Variants in OSBPL3 observed in about 807,000 individuals in gnomAD.
OSBPL3 encodes the protein oxysterol binding protein like 3.
Under a neutral mutation model 120.1 loss-of-function variants are expected in OSBPL3, and 65 were observed. The observed-to-expected ratio is 0.54, with a 90% CI of 0.44 to 0.67. The LOEUF (loss-of-function observed/expected upper bound fraction) is 0.67. Among genes scored for constraint, OSBPL3 ranks in the 30% least tolerant of loss-of-function variants. OSBPL3 has a pLI of 0.00. For missense variants in OSBPL3, 1,004 were observed against 1,082.1 expected, an observed-to-expected ratio of 0.93 and a Z score of 1.01; for synonymous variants, 416 against 402.6, an observed-to-expected ratio of 1.03 and a Z score of -0.40.
chr7:24,839,440 C>T (rs950393064), intron 14 of OSBPL3, among the ~76,000 whole-genome samples: 1 of 152,278 alleles, frequency 6.6e-6, no homozygotes, highest in South Asian at 2.1e-4. Flanking sequence ...AATATCTTTC[C>T]TGCCCATCAT....
Position 24,955,448 on chromosome 7 carries a change from C to T in OSBPL3, c.-150+24438G>A, listed in dbSNP as rs1239273157. On this transcript the variant is annotated intron_variant, in intron 1 of 22. Coordinates refer to ENST00000313367, the MANE Select transcript of OSBPL3 (RefSeq NM_015550.4). The surrounding 1 kb of genome is among the most constrained non-coding windows in gnomAD (Gnocchi z 4.3). ...GTTGTTCCTGCTCTCACAGAGCTTC[C>T]ATTCTAGTGATTCTCCCTGGCTGTT... Among the ~76,000 whole-genome samples the T allele has an allele frequency of 1.3e-5, 2 of 152,192 alleles. No homozygotes were observed. The highest frequency in any genetic ancestry group is 2.9e-5 in the Non-Finnish European group (2 of 68,028).
chr7:24,884,494 A>G (rs1248340818), intron 2 of OSBPL3, among the ~76,000 whole-genome samples: 2 of 152,112 alleles, frequency 1.3e-5, no homozygotes, highest in Admixed American at 1.3e-4. Context: ...TCCCATGCTG[A>G]GTCTTCCTGA....
intron 1 of OSBPL3, among the ~76,000 whole-genome samples, chr7:24,948,895 A>G (rs966743822): frequency 3.3e-5 from 5 of 152,264 alleles, no homozygotes; most frequent in Admixed American, 1.3e-4. Context: ...CACTGCTCCT[A>G]GTCAACAGAA....
chr7:24,912,909 G>A lies in OSBPL3; in HGVS notation c.-149-20288C>T, dbSNP rs1365300060. On this transcript the variant is annotated intron_variant, in intron 1 of 22. Coordinates refer to ENST00000313367, the MANE Select transcript of OSBPL3 (RefSeq NM_015550.4). This position sits in a 1 kb window ranked among gnomAD's most constrained non-coding sequence, Gnocchi z 4.5. ...AGAAATGGCAATGTAACTTCCACTT[G>A]TCCTGTTGTCTCAGGGTGCTTGCCC... is the stretch of plus-strand genomic sequence containing the variant. Among the ~76,000 whole-genome samples the A allele has an allele frequency of 6.6e-6, 1 of 152,178 alleles. No individual in the cohort carries two copies. The highest frequency in any genetic ancestry group is 1.5e-5 in the Non-Finnish European group (1 of 68,036).
At chr7:24,812,842 CA>C (rs1794006851) in intron 19 of OSBPL3, among the ~76,000 whole-genome samples, 1 of 151,262 alleles carries the variant, frequency 6.6e-6, no homozygotes, top group Non-Finnish European at 1.5e-5. Context: ...GAAGGAAAAG[CA>C]AAAAGAAAAA....
In OSBPL3 at chr7:24,852,555, G is replaced by T. The variant is rs770453852; in HGVS notation, c.1107C>A (p.Ala369=). The change falls in exon 11 of 23, where the codon GCC becomes GCA. Residue 369 remains alanine (A), a synonymous_variant. Coordinates refer to ENST00000313367, the MANE Select transcript of OSBPL3 (RefSeq NM_015550.4). The surrounding 1 kb of genome is among the most constrained non-coding windows in gnomAD (Gnocchi z 4.1). The stretch of plus-strand genomic sequence containing the variant: ...TGACCTGAGCAGACGGGGAGGAGGA[G>T]GCATCCTGCTCCATCAGCTGCTTCA... ...EKLKQLMEQD[A]SSSPSAQVIG... The T allele has an allele frequency of 1.2e-6, 2 of 1,607,258 alleles. No homozygotes were observed. Among genetic ancestry groups the T allele is most frequent in the Admixed American group, 3.5e-5 (2 of 57,910 alleles).
chr7:24,842,281 C>T lies in OSBPL3; in HGVS notation c.1399G>A (p.Glu467Lys), dbSNP rs776534897. Residue 467 changes from glutamate (E) to lysine (K), a missense_variant and splice_region_variant, in exon 13 of 23, where the codon GAG becomes AAG. Glu to Lys is a moderately conservative substitution (Grantham distance 56). Coordinates refer to ENST00000313367, the MANE Select transcript of OSBPL3 (RefSeq NM_015550.4). Reference sequence around the variant, plus strand: ...CATACTGTAAACATTGCTCAAACCTCGTTTTCTGAAGAGCTTGGAGATAAC... The same window carrying T: ...CATACTGTAAACATTGCTCAAACCTTGTTTTCTGAAGAGCTTGGAGATAAC... ...VLLSPSSSEN[E>K]ISDDDSYVSD... The T allele has an allele frequency of 3.7e-6, 6 of 1,612,832 alleles. No individual in the cohort carries two copies. The highest frequency in any genetic ancestry group is 5.1e-6 in the Non-Finnish European group (6 of 1,179,814).
intron 1 of OSBPL3, among the ~76,000 whole-genome samples, chr7:24,928,497 T>C (rs964960714): frequency 6.6e-5 from 10 of 152,198 alleles, no homozygotes; most frequent in African/African-American, 2.4e-4. Context: ...GGCCACCTCT[T>C]GTCTTTATAA....
chr7:24,823,997 C>T (rs1197131942), intron 16 of OSBPL3, among the ~76,000 whole-genome samples: 1 of 152,162 alleles, frequency 6.6e-6, no homozygotes, highest in African/African-American at 2.4e-5. Flanking sequence ...ATGCATTTGT[C>T]TGAATTGACC....
Position 24,966,673 on chromosome 7 carries a change from G to C in OSBPL3, c.-150+13213C>G, listed in dbSNP as rs1816417657. Among the ~76,000 whole-genome samples, 1 of 152,120 alleles carries C rather than the reference G, an allele frequency of 6.6e-6. No homozygotes were observed. Among genetic ancestry groups the C allele is most frequent in the Non-Finnish European group, 1.5e-5 (1 of 68,038 alleles). On this transcript the variant is annotated intron_variant, in intron 1 of 22. Transcript: ENST00000313367. The surrounding 1 kb of genome is among the most constrained non-coding windows in gnomAD (Gnocchi z 4.8). ...ACACACACAAAACAAAATTAAAGAA[G>C]ACACTGGCCCAGAGAAAGACTGAGC...
In OSBPL3 at chr7:24,820,874, T is replaced by C. The variant is rs1270297866; in HGVS notation, c.1885-636A>G. ...GAAATGTTAGTCAACTGTTAAGAAA[T>C]TTTATTTATTTTTGGTCTAATAAAA... is the stretch of plus-strand genomic sequence containing the variant. On this transcript the variant is annotated intron_variant, in intron 16 of 22. Transcript: ENST00000313367. The surrounding 1 kb of genome is among the most constrained non-coding windows in gnomAD (Gnocchi z 4.6). Among the ~76,000 whole-genome samples the C allele has an allele frequency of 6.6e-6, 1 of 151,320 alleles. No individual in the cohort carries two copies. The highest frequency in any genetic ancestry group is 1.5e-5 in the Non-Finnish European group (1 of 67,918).
At chr7:24,882,758 A>C (rs1803899137) in intron 2 of OSBPL3, among the ~76,000 whole-genome samples, 1 of 152,168 alleles carries the variant, frequency 6.6e-6, no homozygotes, top group African/African-American at 2.4e-5. Flanking sequence ...TCTTTGTATT[A>C]ATAGTCATTT....
chr7:24,812,043 A>G (rs2128120948), intron 19 of OSBPL3, among the ~76,000 whole-genome samples: 1 of 152,316 alleles, frequency 6.6e-6, no homozygotes, highest in East Asian at 1.9e-4. Flanking sequence ...GCAGTGCCTG[A>G]TGCCTGTAAT....
At position 24,827,970 on chromosome 7, in the gene OSBPL3, TTCA is replaced by T. The variant is rs1795898915; in HGVS notation, c.1884+2795_1884+2797del. ...TAGATATATGCCTTTCTAGTTTTCTTTCATCAAGTCATTCCTCAGCCTCCTCTC... is the reference window on the plus strand; with the variant it reads ...TAGATATATGCCTTTCTAGTTTTCTTTCAAGTCATTCCTCAGCCTCCTCTC... On this transcript the variant is annotated intron_variant, in intron 16 of 22. Transcript: ENST00000313367. The surrounding 1 kb of genome is among the most constrained non-coding windows in gnomAD (Gnocchi z 5.1). Among the ~76,000 whole-genome samples the T allele has an allele frequency of 6.6e-6, 1 of 152,218 alleles. No homozygotes were observed. The highest frequency in any genetic ancestry group is 2.4e-5 in the African/African-American group (1 of 41,460).
intron 5 of OSBPL3, among the ~76,000 whole-genome samples, chr7:24,868,338 AGTGTGTGT>A (rs55688298): frequency 6.1e-4 from 84 of 137,942 alleles, no homozygotes; most frequent in South Asian, 1.3e-3. Flanking sequence ...AAAAAAAAAA[AGTGTGTGT>A]GTGTGTGTGT....
Position 24,834,744 on chromosome 7 carries a change from G to A in OSBPL3, c.1496-8C>T. 1 of 1,591,338 alleles carries A rather than the reference G, an allele frequency of 6.3e-7. No individual in the cohort carries two copies. Among genetic ancestry groups the A allele is most frequent in the East Asian group, 2.2e-5 (1 of 44,700 alleles). ...CACTATCAAGGACAGGCCCTGAAAG[G>A]GAAAGAGGCCTGGTTGTCTCTATAA... On this transcript the variant is annotated splice_polypyrimidine_tract_variant and splice_region_variant and intron_variant, in intron 14 of 22. Transcript: ENST00000313367. The surrounding 1 kb of genome is among the most constrained non-coding windows in gnomAD (Gnocchi z 5.2).
intron 2 of OSBPL3, among the ~76,000 whole-genome samples, chr7:24,882,970 A>C (rs890798210): frequency 6.6e-6 from 1 of 151,956 alleles, no homozygotes; most frequent in African/African-American, 2.4e-5. Context: ...TATATTCTGG[A>C]TATTAGTTCC....
rs1173807414 is a variant in OSBPL3 at position 24,891,011 on chromosome 7, A to G, written c.96+1366T>C. ...TTCTCCCCCTTTATCAAAGAAGGAC[A>G]TAACAACCCCTAGGTGTAAGGAAGA... is the stretch of plus-strand genomic sequence containing the variant. On this transcript the variant is annotated intron_variant, in intron 2 of 22. Transcript: ENST00000313367. The surrounding 1 kb of genome is among the most constrained non-coding windows in gnomAD (Gnocchi z 4.1). Among the ~76,000 whole-genome samples, 3 of 152,196 alleles carry G rather than the reference A, an allele frequency of 2.0e-5. No homozygotes were observed. Among genetic ancestry groups the G allele is most frequent in the African/African-American group, 7.2e-5 (3 of 41,434 alleles).
chr7:24,890,605 T>C lies in OSBPL3; in HGVS notation c.96+1772A>G, dbSNP rs145023127. On this transcript the variant is annotated intron_variant, in intron 2 of 22. Coordinates refer to ENST00000313367, the MANE Select transcript of OSBPL3 (RefSeq NM_015550.4). ...GAAAATGACCTCTGGAAATCAAACA[T>C]GGGCTTTATAACTAACTTCAGGCTG... Among the ~76,000 whole-genome samples the C allele has an allele frequency of 2.2e-3, 332 of 152,264 alleles. 1 individual carries two copies. Among genetic ancestry groups the C allele is most frequent in the African/African-American group, 7.8e-3 (324 of 41,558 alleles).
Sources: gnomAD v4.1 joint callset for allele counts (sites outside exome capture counted in the v4.1 genomes callset) on GRCh38, gnomAD v4.1.1 for gene constraint, Gnocchi (gnomAD v3.1) non-coding constraint, MANE v1.5 for transcripts, NCBI Gene and HGNC (gene_info 2026-07-23, HGNC 2026-07-21) for gene names.